The following NXPE2 variants were observed in gnomAD, a reference collection of about 807,000 sequenced individuals.
The protein encoded by NXPE2 is NXPE family member 2.
A neutral mutation model predicts 34.4 loss-of-function variants in NXPE2; 34 were observed. The observed-to-expected ratio is 0.99, with a 90% CI of 0.75 to 1.31. NXPE2 has a LOEUF of 1.31. Ranked by LOEUF, NXPE2 falls within the 40% of genes most tolerant of loss-of-function variation. The pLI is 0.00. For missense variants in NXPE2, 649 were observed against 672.5 expected (o/e 0.97, Z 0.39); for synonymous variants, 235 against 231.3 (o/e 1.02, Z -0.15).
chr11:114,739,868 A>G, the NXPE2 span, among the ~76,000 whole-genome samples: 1 of 152,196 alleles, frequency 6.6e-6, no homozygotes, highest in Non-Finnish European at 1.5e-5. Flanking sequence ...TATTTCACTT[A>G]GCCTGATGTT....
chr11:114,465,152 C>T, the NXPE2 span, among the ~76,000 whole-genome samples: 1 of 152,060 alleles, frequency 6.6e-6, no homozygotes, highest in Non-Finnish European at 1.5e-5. Context: ...TGTGTTCATC[C>T]TAAGATCCAG....
the NXPE2 span, among the ~76,000 whole-genome samples, chr11:114,640,573 A>G: frequency 6.6e-6 from 1 of 151,862 alleles, no homozygotes; most frequent in Non-Finnish European, 1.5e-5. Context: ...ACTCCCACCC[A>G]CAATGCATAA....
the NXPE2 span, chr11:114,531,039 TTG>T: frequency 1.0e-6 from 1 of 998,246 alleles, no homozygotes; most frequent in Non-Finnish European, 1.4e-6. Flanking sequence ...AATTGAATAT[TTG>T]GTAATAAAGT....
the NXPE2 span, among the ~76,000 whole-genome samples, chr11:114,805,478 C>A: frequency 6.6e-6 from 1 of 152,210 alleles, no homozygotes; most frequent in Non-Finnish European, 1.5e-5. Flanking sequence ...AAAATCGGGT[C>A]ACTCCTACCC....
chr11:114,687,371 T>A lies in NXPE2; in HGVS notation c.132+7609T>A, dbSNP rs180691516. 1.0e-3 allele frequency among the ~76,000 whole-genome samples: 155 copies of A among 152,230 alleles called. 1 individual carries two copies. The highest frequency in any genetic ancestry group is 8.3e-3 in the Admixed American group (127 of 15,270). The stretch of plus-strand genomic sequence containing the variant: ...CCAGCCCCATTTATTGAATACGTTA[T>A]CCTTTCCCCAGTGCTTATTTTTGTT... On this transcript the variant is annotated intron_variant, in intron 2 of 5. Coordinates refer to ENST00000389586, the MANE Select transcript of NXPE2 (RefSeq NM_182495.6).
the NXPE2 span, among the ~76,000 whole-genome samples, chr11:114,607,180 C>T: frequency 2.6e-5 from 4 of 151,610 alleles, no homozygotes; most frequent in Non-Finnish European, 4.4e-5. Context: ...AGTGTTGCAT[C>T]GTGGGTGACA....
the NXPE2 span, among the ~76,000 whole-genome samples, chr11:114,572,744 T>C: frequency 6.6e-6 from 1 of 152,110 alleles, no homozygotes; most frequent in African/African-American, 2.4e-5. Context: ...GAATAATTGG[T>C]ATTCCCAAGG....
At chr11:114,630,620 C>T in the NXPE2 span, among the ~76,000 whole-genome samples, 1 of 151,236 alleles carries the variant, frequency 6.6e-6, no homozygotes, top group Non-Finnish European at 1.5e-5. Flanking sequence ...TGGGCAAGGA[C>T]TTCATGTCTA....
chr11:114,550,062 A>T, the NXPE2 span, among the ~76,000 whole-genome samples: 2 of 152,110 alleles, frequency 1.3e-5, no homozygotes, highest in Non-Finnish European at 2.9e-5. Context: ...ACTGAAGAAA[A>T]CAAAATTGAA....
At chr11:114,688,937 T>C (rs1951097359) in intron 2 of NXPE2, among the ~76,000 whole-genome samples, 1 of 152,128 alleles carries the variant, frequency 6.6e-6, no homozygotes. Flanking sequence ...TTGATTGTGA[T>C]GTCAACTTTG....
chr11:114,662,900 C>G, the NXPE2 span, among the ~76,000 whole-genome samples: 2 of 152,158 alleles, frequency 1.3e-5, no homozygotes, highest in African/African-American at 4.8e-5. Flanking sequence ...GCAGCAATAC[C>G]CAGGTACTAT....
the NXPE2 span, among the ~76,000 whole-genome samples, chr11:114,783,288 A>T: frequency 6.6e-6 from 1 of 152,214 alleles, no homozygotes; most frequent in Non-Finnish European, 1.5e-5. Flanking sequence ...TTAATGTTCA[A>T]GAGACACCAA....
chr11:114,630,019 A>G, the NXPE2 span, among the ~76,000 whole-genome samples: 1 of 151,258 alleles, frequency 6.6e-6, no homozygotes, highest in Non-Finnish European at 1.5e-5. Context: ...AGGAAATAAA[A>G]GAGGATACAA....
the NXPE2 span, among the ~76,000 whole-genome samples, chr11:114,800,136 T>C: frequency 1.3e-5 from 2 of 152,236 alleles, no homozygotes; most frequent in African/African-American, 4.8e-5. Context: ...ATTATTTTCA[T>C]TGGTCCTACT....
At chr11:114,753,283 C>A in the NXPE2 span, among the ~76,000 whole-genome samples, 10,672 of 152,088 alleles carry the variant, frequency 0.07, 766 homozygotes, top group East Asian at 0.34. Flanking sequence ...GACCCAGCTA[C>A]TCGGAAGGCT....
the NXPE2 span, among the ~76,000 whole-genome samples, chr11:114,747,906 G>C: frequency 6.6e-6 from 1 of 152,298 alleles, no homozygotes; most frequent in East Asian, 1.9e-4. Context: ...CTGTACAATG[G>C]ATTGCTTGAC....
At chr11:114,760,992 C>A in the NXPE2 span, among the ~76,000 whole-genome samples, 9 of 152,152 alleles carry the variant, frequency 5.9e-5, no homozygotes, top group Non-Finnish European at 1.0e-4. Context: ...TGTTTCTCAT[C>A]CCCACCCATC....
chr11:114,717,566 T>C, the NXPE2 span, among the ~76,000 whole-genome samples: 1 of 152,364 alleles, frequency 6.6e-6, no homozygotes, highest in African/African-American at 2.4e-5. Flanking sequence ...ATGAACTGCA[T>C]AATCTTCGAT....
chr11:114,731,580 A>G, the NXPE2 span, among the ~76,000 whole-genome samples: 1 of 152,224 alleles, frequency 6.6e-6, no homozygotes, highest in Non-Finnish European at 1.5e-5. Context: ...GGACTTGAAT[A>G]AATCGCAAGA....
Sources: allele counts gnomAD v4.1 joint callset (sites outside exome capture counted in the v4.1 genomes callset), GRCh38; gene constraint gnomAD v4.1.1; transcripts MANE v1.5; gene names NCBI Gene and HGNC (gene_info 2026-07-23, HGNC 2026-07-21).